Variants in SIGLEC12 observed in about 807,000 individuals in gnomAD.
The protein encoded by SIGLEC12 is sialic acid binding Ig like lectin 12.
In SIGLEC12, 43 loss-of-function variants were observed where a neutral mutation model predicts 54.1. The observed-to-expected ratio is 0.80, with a 90% CI of 0.62 to 1.03. The LOEUF is 1.03. Ranked by LOEUF, SIGLEC12 falls within the 50% of genes least tolerant of loss-of-function variation. SIGLEC12 has a pLI of 0.00. For synonymous variants in SIGLEC12, 357 were observed against 307.6 expected, an observed-to-expected ratio of 1.16 and a Z score of -1.68; for missense variants, 802 against 735.2, an observed-to-expected ratio of 1.09 and a Z score of -1.05.
chr19:51,495,313 G>GTGGGTGGA (rs548159519), intron 7 of SIGLEC12, among the ~76,000 whole-genome samples: 1 of 60,410 alleles, frequency 1.7e-5, no homozygotes, highest in Non-Finnish European at 3.5e-5. Context: ...GGACGGGTGG[G>GTGGGTGGA]TGGATGGATG....
intron 4 of SIGLEC12, 133 bp downstream of exon 4, chr19:51,499,037 A>C (rs73051351): frequency 0.17 from 145,883 of 848,736 alleles, 13,371 homozygotes; most frequent in Middle Eastern, 0.25. Flanking sequence ...CAGGTGGCCA[A>C]AAGGCTGAGG....
At chr19:51,499,797 A>C in intron 2 of SIGLEC12, 81 bp from the exon 3 acceptor site, 1 of 1,566,752 alleles carries the variant, frequency 6.4e-7, no homozygotes, top group Admixed American at 1.8e-5. Flanking sequence ...CTCTGGTCTT[A>C]CTCCTCCCCT....
chr19:51,491,832 G>A lies in SIGLEC12; in HGVS notation c.1600-3C>T. 1.3e-6 allele frequency: 2 copies of A among 1,549,878 alleles called. No individual in the cohort carries two copies. The highest frequency in any genetic ancestry group is 1.7e-6 in the Non-Finnish European group (2 of 1,151,638). On this transcript the variant is annotated splice_polypyrimidine_tract_variant and splice_region_variant and intron_variant, in intron 7 of 7. Coordinates refer to ENST00000291707, the MANE Select transcript of SIGLEC12 (RefSeq NM_053003.4). The stretch of plus-strand genomic sequence containing the variant: ...GCCGGGGATTCAATCAGGGGTCCCT[G>A]AATGGAGGAAGAGAAGGGAGTCAGT...
At chr19:51,495,385 A>G (rs1244393332) in intron 7 of SIGLEC12, among the ~76,000 whole-genome samples, 10 of 73,060 alleles carry the variant, frequency 1.4e-4, no homozygotes, top group South Asian at 5.9e-4. Flanking sequence ...GGATGGATGG[A>G]TGGATGGATG....
In SIGLEC12 at chr19:51,500,993, G is replaced by T. The variant is rs181542265; in HGVS notation, c.427+314C>A. On this transcript the variant is annotated intron_variant, in intron 1 of 7. Transcript: ENST00000291707. ...TCTGGCATCTGGTGGGGAGAGGCCT[G>T]GGATGGTGCTAAACCCCGGCCATGC... 6.5e-3 allele frequency among the ~76,000 whole-genome samples: 982 copies of T among 152,230 alleles called. 6 individuals carry two copies. Among genetic ancestry groups the T allele is most frequent in the Non-Finnish European group, 0.01 (691 of 68,006 alleles).
At chr19:51,493,501 T>G (rs1242273767) in intron 7 of SIGLEC12, among the ~76,000 whole-genome samples, 1 of 152,174 alleles carries the variant, frequency 6.6e-6, no homozygotes, top group East Asian at 1.9e-4. Context: ...CCACACATCT[T>G]GTCGAAAGGC....
Position 51,500,041 on chromosome 19 carries a change from G to T in SIGLEC12, c.687C>A (p.Asn229Lys). ...CATCTCTGATGCTCAGGGAGCAGTT[G>T]TTGGTCTGTGGGTCCCCAAGGAGGA... ...RFLLLGDPQT[N>K]NCSLSIRDAR... Residue 229 changes from asparagine (N) to lysine (K), a missense_variant, in exon 2 of 8, where the codon AAC becomes AAA. Physicochemically the swap from Asn to Lys is moderately conservative, Grantham distance 94 (BLOSUM62 0). Transcript: ENST00000291707. The T allele has an allele frequency of 1.9e-6, 3 of 1,614,132 alleles. No homozygotes were observed. Among genetic ancestry groups the T allele is most frequent in the Non-Finnish European group, 2.5e-6 (3 of 1,179,986 alleles).
chr19:51,499,759 C>G (rs1490260245), intron 2 of SIGLEC12, 43 bp from the exon 3 acceptor site: 1 of 1,605,650 alleles, frequency 6.2e-7, no homozygotes, highest in East Asian at 2.2e-5. Context: ...GTGTTGGGGT[C>G]TGAAGTGTGG....
At chr19:51,494,467 G>A (rs115122071) in intron 7 of SIGLEC12, among the ~76,000 whole-genome samples, 1,805 of 152,296 alleles carry the variant, frequency 0.012, 31 homozygotes, top group African/African-American at 0.041. Context: ...AGTAACAAGC[G>A]TTGGTGAGGA....
intron 6 of SIGLEC12, 44 bp downstream of exon 6, chr19:51,497,305 C>A (rs759648624): frequency 1.3e-6 from 2 of 1,554,764 alleles, no homozygotes; most frequent in Non-Finnish European, 8.8e-7. Flanking sequence ...TTGTTCCCAG[C>A]CTGCCCTCCC....
At chr19:51,493,287 C>A (rs377724492) in intron 7 of SIGLEC12, among the ~76,000 whole-genome samples, 4 of 152,148 alleles carry the variant, frequency 2.6e-5, no homozygotes, top group African/African-American at 9.7e-5. Context: ...TCCATCTTAC[C>A]TTCTTGGCAG....
intron 7 of SIGLEC12, among the ~76,000 whole-genome samples, chr19:51,494,290 C>T (rs1039154483): frequency 3.3e-5 from 5 of 152,132 alleles, no homozygotes; most frequent in African/African-American, 1.2e-4. Context: ...AACACAGTTT[C>T]AAAAATAGGC....
At position 51,500,109 on chromosome 19, in the gene SIGLEC12, T is replaced by A. The variant is rs749200849; in HGVS notation, c.619A>T (p.Thr207Ser). The change falls in exon 2 of 8, where the codon ACC becomes TCC. Residue 207 changes from threonine to serine, a missense_variant. Transcript: ENST00000291707. ...TCCTCTTGCACTTTTCCACTTGGGGTGTTTGTGGCCACTGGAATATCCCAT... is the reference window on the plus strand; with the variant it reads ...TCCTCTTGCACTTTTCCACTTGGGGAGTTTGTGGCCACTGGAATATCCCAT... ...IPWDIPVATNTPSGKVQEDTH... is the reference protein window; with the variant it reads ...IPWDIPVATNSPSGKVQEDTH... 5.0e-6 allele frequency: 8 copies of A among 1,613,960 alleles called. No individual in the cohort carries two copies. In the South Asian group the frequency reaches 7.7e-5, roughly 16 times the overall value.
chr19:51,499,036 A>T lies in SIGLEC12; in HGVS notation c.1135+134T>A, dbSNP rs1990316948. On this transcript the variant is annotated intron_variant, in intron 4 of 7. Transcript: ENST00000291707. ...GTGATGAGAAGGTGCTCAGGTGGCC[A>T]AAAGGCTGAGGCTGAGGGAGGGGGG... is the stretch of plus-strand genomic sequence containing the variant. 5.9e-6 allele frequency: 5 copies of T among 840,680 alleles called. 1 individual carries two copies. The highest frequency in any genetic ancestry group is 9.8e-6 in the Non-Finnish European group (5 of 512,370). The allele number at this position is 840,680 out of a possible 1,614,324, so 52.1% of individuals were successfully genotyped here. A position where few individuals can be genotyped will look rare whatever the true frequency, so the allele number is the denominator to read the frequency against.
In SIGLEC12 at chr19:51,491,780, G is replaced by C; in HGVS notation, c.1649C>G (p.Pro550Arg). ...TGGGGAGGGGGTGGCCAGGGCTGGC[G>C]GAGCATGGTGTGGGGGGCTGTCATC... ...PADDSPPHHA[P>R]PALATPSPEE... is the part of the protein sequence containing the mutation. Residue 550 changes from proline to arginine, a missense_variant, in exon 8 of 8, where the codon CCG becomes CGG. Physicochemically the swap from Pro to Arg is moderately radical, Grantham distance 103. Coordinates refer to ENST00000291707, the MANE Select transcript of SIGLEC12 (RefSeq NM_053003.4). 6.2e-7 allele frequency: 1 copy of C among 1,605,894 alleles called. No homozygotes were observed. The highest frequency in any genetic ancestry group is 8.5e-7 in the Non-Finnish European group (1 of 1,175,914).
chr19:51,500,176 G>C lies in SIGLEC12; in HGVS notation c.552C>G (p.Ser184Arg), dbSNP rs908047448. Residue 184 changes from serine to arginine, a missense_variant, in exon 2 of 8, where the codon AGC becomes AGG. Transcript: ENST00000291707. ...LYPHYNWTAS[S>R]PVYGSWFKEG... is the part of the protein sequence containing the mutation. ...CCTTGAACCAGGATCCATAAACAGG[G>C]CTAGAGGCAGTCCAGTTGTAATGGG... 1 of 1,614,142 alleles carries C rather than the reference G, an allele frequency of 6.2e-7. No homozygotes were observed. The highest frequency in any genetic ancestry group is 8.5e-7 in the Non-Finnish European group (1 of 1,180,024).
At chr19:51,494,418 G>A (rs56243364) in intron 7 of SIGLEC12, among the ~76,000 whole-genome samples, 17,624 of 152,186 alleles carry the variant, frequency 0.12, 1,121 homozygotes, top group Middle Eastern at 0.25. Context: ...CCTCACACGC[G>A]TTAGGATGGC....
intron 7 of SIGLEC12, among the ~76,000 whole-genome samples, chr19:51,495,395 GGA>G (rs1392920254): frequency 2.0e-4 from 22 of 110,352 alleles, no homozygotes; most frequent in African/African-American, 7.9e-4. Flanking sequence ...ATGGATGGAT[GGA>G]TGGGTGGGTG....
rs1990390380 is a variant in SIGLEC12 at position 51,501,380 on chromosome 19, T to C, written c.354A>G (p.Thr118=). The C allele has an allele frequency of 6.2e-7, 1 of 1,614,126 alleles. No individual in the cohort carries two copies. Among genetic ancestry groups the C allele is most frequent in the Non-Finnish European group, 8.5e-7 (1 of 1,180,048 alleles). The change falls in exon 1 of 8, where the codon ACA becomes ACG. Residue 118 remains threonine (T), a synonymous_variant. Transcript: ENST00000291707. ...IRDTRESDAG[T]YVFCVERGNM... Reference sequence around the variant, plus strand: ...TTCCTCTCTCTACACAAAAGACGTATGTCCCTGCATCACTCTCTCTGGTGT... The same window carrying C: ...TTCCTCTCTCTACACAAAAGACGTACGTCCCTGCATCACTCTCTCTGGTGT...
Sources: allele counts gnomAD v4.1 joint callset (sites outside exome capture counted in the v4.1 genomes callset), GRCh38; gene constraint gnomAD v4.1.1; transcripts MANE v1.5; gene names NCBI Gene and HGNC (gene_info 2026-07-23, HGNC 2026-07-21).